Variants in CAP2 observed in about 807,000 individuals in gnomAD.
CAP2 encodes the protein adenylyl cyclase-associated protein 2.
CAP2 carries 24 observed loss-of-function variants against 57.7 expected under a neutral mutation model. The observed-to-expected ratio is 0.42, with a 90% CI of 0.30 to 0.58. CAP2 has a LOEUF of 0.58. Among genes scored for constraint, CAP2 ranks in the 20% least tolerant of loss-of-function variants. The pLI, the probability that CAP2 is intolerant of heterozygous loss-of-function variation, is 0.22. For missense variants in CAP2, 501 were observed against 590.3 expected (o/e 0.85, Z 1.57); for synonymous variants, 194 against 207.2 (o/e 0.94, Z 0.55).
intron 11 of CAP2, among the ~76,000 whole-genome samples, chr6:17,546,235 CT>C (rs1162451434): frequency 6.6e-6 from 1 of 152,204 alleles, no homozygotes; most frequent in Admixed American, 6.5e-5. Context: ...GACCGCCATG[CT>C]AACTGGTATG....
rs556688526 is a variant in CAP2, at chr6:17,533,384, C to T, written c.637-5885C>T. Among the ~76,000 whole-genome samples, 7 of 152,110 alleles carry T rather than the reference C, an allele frequency of 4.6e-5. No individual in the cohort carries two copies. In the South Asian group the frequency reaches 1.0e-3, roughly 23 times the overall value. On this transcript the variant is annotated intron_variant, in intron 7 of 12. Transcript: ENST00000229922. ...AACTTAGAGTAAGGGATTTGCAGTA[C>T]AGTAGCTTTTTAAAAAGTCTTTGTG...
rs548216948 is a variant in CAP2, at chr6:17,441,401, T to A, written c.222+14711T>A. 2.0e-3 allele frequency among the ~76,000 whole-genome samples: 306 copies of A among 151,780 alleles called. 13 individuals carry two copies. Among genetic ancestry groups the A allele is most frequent in the African/African-American group, 7.0e-3 (286 of 41,074 alleles). ...ATATTATTAAATATCAAGTGCATTT[T>A]AAAATACTTTTTAAATCTTAAGACC... On this transcript the variant is annotated intron_variant, in intron 3 of 12. Coordinates refer to ENST00000229922, the MANE Select transcript of CAP2 (RefSeq NM_006366.3).
chr6:17,433,953 A>C (rs1759808408), intron 3 of CAP2, among the ~76,000 whole-genome samples: 1 of 152,172 alleles, frequency 6.6e-6, no homozygotes. Flanking sequence ...GCCAGTAAGA[A>C]ACTGGACTTG....
intron 3 of CAP2, among the ~76,000 whole-genome samples, chr6:17,461,487 A>G (rs1388375771): frequency 6.6e-6 from 1 of 151,898 alleles, no homozygotes; most frequent in Non-Finnish European, 1.5e-5. Flanking sequence ...TTGGCCTCCC[A>G]AAGTGCTGAG....
At chr6:17,519,315 A>C (rs561105629) in intron 7 of CAP2, among the ~76,000 whole-genome samples, 87 of 152,264 alleles carry the variant, frequency 5.7e-4, no homozygotes, top group African/African-American at 1.8e-3. Flanking sequence ...CAGCGATTTG[A>C]AGAGAGTCTA....
chr6:17,538,158 C>A (rs1370394412), intron 7 of CAP2, among the ~76,000 whole-genome samples: 1 of 151,730 alleles, frequency 6.6e-6, no homozygotes, highest in Admixed American at 6.6e-5. Context: ...GAAAATATCA[C>A]AGATATACAA....
intron 4 of CAP2, among the ~76,000 whole-genome samples, chr6:17,467,769 C>T (rs959147013): frequency 4.6e-5 from 7 of 152,104 alleles, no homozygotes; most frequent in South Asian, 2.1e-4. Context: ...GTGATCCGCC[C>T]GCCTCGGCCT....
At chr6:17,461,792 A>G (rs1399946679) in intron 3 of CAP2, among the ~76,000 whole-genome samples, 1 of 150,890 alleles carries the variant, frequency 6.6e-6, no homozygotes, top group East Asian at 2.0e-4. Flanking sequence ...GGAGATCGAG[A>G]CCATCCTGGC....
intron 1 of CAP2, among the ~76,000 whole-genome samples, chr6:17,406,145 C>G (rs57879056): frequency 0.013 from 1,926 of 152,196 alleles, 36 homozygotes; most frequent in East Asian, 0.048. Flanking sequence ...CCAGGGCATC[C>G]CCTTCTTTAG....
chr6:17,462,888 TA>T, intron 3 of CAP2, 107 bp from the exon 4 acceptor site: 1 of 785,722 alleles, frequency 1.3e-6, no homozygotes, highest in Non-Finnish European at 2.2e-6. Context: ...TGTGAAGATA[TA>T]TTTTCATTTT....
chr6:17,461,885 CGG>C (rs1303889924), intron 3 of CAP2, among the ~76,000 whole-genome samples: 2 of 145,696 alleles, frequency 1.4e-5, no homozygotes, highest in Non-Finnish European at 3.0e-5. Flanking sequence ...CCCAGCTACT[CGG>C]GGGGCTGAGG....
chr6:17,404,638 GCACGCAC>G (rs1758904811), intron 1 of CAP2, among the ~76,000 whole-genome samples: 1 of 150,234 alleles, frequency 6.7e-6, no homozygotes, highest in Admixed American at 6.7e-5. Context: ...GGACTTGGTG[GCACGCAC>G]CTGTAATCCC....
intron 2 of CAP2, among the ~76,000 whole-genome samples, chr6:17,423,129 A>C (rs934075887): frequency 6.6e-6 from 1 of 152,196 alleles, no homozygotes; most frequent in Non-Finnish European, 1.5e-5. Flanking sequence ...CGTGGGGAAG[A>C]AGGGACTTCA....
At chr6:17,501,981 C>G (rs1360066518) in intron 4 of CAP2, among the ~76,000 whole-genome samples, 1 of 152,162 alleles carries the variant, frequency 6.6e-6, no homozygotes. Context: ...TCATCTTCAC[C>G]TGAATTCTGA....
chr6:17,524,802 G>T (rs758564629), intron 7 of CAP2, among the ~76,000 whole-genome samples: 1 of 151,914 alleles, frequency 6.6e-6, no homozygotes, highest in Non-Finnish European at 1.5e-5. Context: ...GTCTGGTTTG[G>T]CATTCAAGTC....
rs567675285 is a variant in CAP2 at position 17,461,992 on chromosome 6, C to CAAAAA, written c.223-977_223-973dup. Among the ~76,000 whole-genome samples, 150 of 27,854 alleles carry CAAAAA rather than the reference C, an allele frequency of 5.4e-3. 12 individuals carry two copies. Among genetic ancestry groups the CAAAAA allele is most frequent in the Non-Finnish European group, 0.015 (95 of 6,530 alleles). 18.3% of individuals were successfully genotyped at this position (27,854 alleles called of 152,430 possible). ...TGGGCAACAGGGCGAGACTCCGTCT[C>CAAAAA]AAAAAAAAAAAAAAAAAAAAAAAAA... On this transcript the variant is annotated intron_variant, in intron 3 of 12. Coordinates refer to ENST00000229922, the MANE Select transcript of CAP2 (RefSeq NM_006366.3).
At chr6:17,531,493 A>G in intron 7 of CAP2, 1 of 1,487,280 alleles carries the variant, frequency 6.7e-7, no homozygotes, top group Admixed American at 1.7e-5. Flanking sequence ...TTTCATAGAT[A>G]AGCTTCTTCC....
chr6:17,517,389 AATTG>A (rs1360506732), intron 7 of CAP2, among the ~76,000 whole-genome samples: 2 of 152,244 alleles, frequency 1.3e-5, no homozygotes, highest in Non-Finnish European at 2.9e-5. Flanking sequence ...TATAAAAGAG[AATTG>A]ATTATTAATT....
intron 12 of CAP2, among the ~76,000 whole-genome samples, chr6:17,555,025 A>G (rs149212330): frequency 3.8e-4 from 58 of 152,260 alleles, no homozygotes; most frequent in African/African-American, 1.2e-3. Context: ...CATTTTTACA[A>G]TTTATCAAAG....
Sources: allele counts gnomAD v4.1 joint callset (sites outside exome capture counted in the v4.1 genomes callset), GRCh38; gene constraint gnomAD v4.1.1; transcripts MANE v1.5; gene names NCBI Gene and HGNC (gene_info 2026-07-23, HGNC 2026-07-21).